The following NEDD4 variants were observed in gnomAD, a reference collection of about 807,000 sequenced individuals.
The protein encoded by NEDD4 is NEDD4 E3 ubiquitin protein ligase.
NEDD4 carries 99 observed loss-of-function variants against 144.9 expected under a neutral mutation model. The observed-to-expected ratio is 0.68, with a 90% CI of 0.58 to 0.81. The LOEUF (loss-of-function observed/expected upper bound fraction) is 0.81. Among genes scored for constraint, NEDD4 ranks in the 30% least tolerant of loss-of-function variants. The pLI, the probability that NEDD4 is intolerant of heterozygous loss-of-function variation, is 0.00. For missense variants in NEDD4, 985 were observed against 1,065.9 expected, an observed-to-expected ratio of 0.92 and a Z score of 1.06; for synonymous variants, 318 against 350.6, an observed-to-expected ratio of 0.91 and a Z score of 1.04.
chr15:55,921,507 TA>T (rs1466622440), intron 5 of NEDD4, among the ~76,000 whole-genome samples: 3 of 152,042 alleles, frequency 2.0e-5, no homozygotes, highest in Admixed American at 6.6e-5. Context: ...GTATTTTTAG[TA>T]GAGACGCAGT....
chr15:55,845,434 T>C (rs998226283), intron 18 of NEDD4, among the ~76,000 whole-genome samples: 10 of 152,190 alleles, frequency 6.6e-5, no homozygotes, highest in Non-Finnish European at 1.2e-4. Context: ...TACAGAGTTA[T>C]TGTAGACATT....
chr15:55,916,019 C>A, intron 5 of NEDD4: 1 of 1,613,738 alleles, frequency 6.2e-7, no homozygotes, highest in East Asian at 2.2e-5. Context: ...TTGAAGGACT[C>A]CTAGGAAAAA....
Position 55,915,447 on chromosome 15 carries a change from G to A in NEDD4, c.291+9199C>T, listed in dbSNP as rs771740195. ...GGATAGACAGGAAATATTTGGATAAGCTCCTCCCAATGAAATACTTCTTCG... is the reference window on the plus strand; with the variant it reads ...GGATAGACAGGAAATATTTGGATAAACTCCTCCCAATGAAATACTTCTTCG... On this transcript the variant is annotated intron_variant, in intron 5 of 28. Coordinates refer to ENST00000435532, the MANE Select transcript of NEDD4 (RefSeq NM_006154.4). The A allele has an allele frequency of 1.2e-5, 19 of 1,613,752 alleles. No homozygotes were observed. In the South Asian group the frequency reaches 1.8e-4, roughly 15 times the overall value.
Position 55,862,933 on chromosome 15 carries a change from C to A in NEDD4, c.654G>T (p.Gln218His), listed in dbSNP as rs760516800. 2.7e-5 allele frequency: 43 copies of A among 1,606,664 alleles called. No homozygotes were observed. The East Asian group carries it at 9.2e-4, about 34-fold the overall frequency. ...YYVNHESRRT[Q>H]WKRPTPQDNL... The stretch of plus-strand genomic sequence containing the variant: ...CATACTGAGGGGTTGGTCTTTTCCA[C>A]TGTGTTCTTCTAGATTCATGGTTTA... The change falls in exon 9 of 29, where the codon CAG becomes CAT. Residue 218 changes from glutamine to histidine, a missense_variant. Gln to His is a conservative substitution (Grantham distance 24). Coordinates refer to ENST00000435532, the MANE Select transcript of NEDD4 (RefSeq NM_006154.4).
intron 5 of NEDD4, among the ~76,000 whole-genome samples, chr15:55,914,728 A>G (rs2036380254): frequency 6.6e-6 from 1 of 152,078 alleles, no homozygotes; most frequent in East Asian, 1.9e-4. Flanking sequence ...GTTTTTATGA[A>G]TGATCTTATA....
chr15:55,836,300 T>G (rs1448380673), intron 24 of NEDD4, among the ~76,000 whole-genome samples: 1 of 150,724 alleles, frequency 6.6e-6, no homozygotes, highest in East Asian at 2.0e-4. Flanking sequence ...ATACACATAG[T>G]ACTCAATACT....
chr15:55,896,620 T>C (rs1250721287), intron 5 of NEDD4, among the ~76,000 whole-genome samples: 3 of 152,188 alleles, frequency 2.0e-5, no homozygotes. Context: ...GTAAATTCCT[T>C]GAGGTCAACA....
chr15:55,934,970 G>C (rs763996980), intron 4 of NEDD4, among the ~76,000 whole-genome samples: 1 of 133,094 alleles, frequency 7.5e-6, no homozygotes, highest in Non-Finnish European at 1.5e-5. Context: ...CCAGACTCAA[G>C]TGATTCTCCT....
At chr15:55,859,115 T>C (rs1273723825) in intron 11 of NEDD4, among the ~76,000 whole-genome samples, 2 of 152,172 alleles carry the variant, frequency 1.3e-5, no homozygotes, top group Non-Finnish European at 2.9e-5. Flanking sequence ...TCATTAAATA[T>C]TTACTAACTA....
intron 5 of NEDD4, chr15:55,915,572 A>C: frequency 6.2e-7 from 1 of 1,614,034 alleles, no homozygotes; most frequent in South Asian, 1.1e-5. Flanking sequence ...GCAAACATGC[A>C]GATGTCCTAT....
intron 4 of NEDD4, among the ~76,000 whole-genome samples, chr15:55,949,568 T>C (rs1248479688): frequency 6.6e-6 from 1 of 152,126 alleles, no homozygotes; most frequent in East Asian, 1.9e-4. Flanking sequence ...CCATCAATAA[T>C]AGACTGGATT....
At chr15:55,916,527 G>GACTGA (rs1173411622) in intron 5 of NEDD4, 6 of 1,614,104 alleles carry the variant, frequency 3.7e-6, no homozygotes, top group Non-Finnish European at 4.2e-6. Context: ...GACATTGCTA[G>GACTGA]ACTGAAGATA....
chr15:55,851,371 A>C (rs1354382187), intron 13 of NEDD4, among the ~76,000 whole-genome samples: 1 of 148,428 alleles, frequency 6.7e-6, no homozygotes, highest in Non-Finnish European at 1.5e-5. Flanking sequence ...ACATCAATGC[A>C]AAGTTTTTTT....
In NEDD4 at chr15:55,858,573, C is replaced by T. The variant is rs144406930; in HGVS notation, c.960+1834G>A. Among the ~76,000 whole-genome samples the T allele has an allele frequency of 8.3e-4, 126 of 152,282 alleles. 1 individual carries two copies. The East Asian group carries it at 0.015, about 18-fold the overall frequency. Reference sequence around the variant, plus strand: ...TCTATAATCCCAGCCTCCCAAAGTGCTGGGATTACAGGCGTGAGCCACCAC... The same window carrying T: ...TCTATAATCCCAGCCTCCCAAAGTGTTGGGATTACAGGCGTGAGCCACCAC... On this transcript the variant is annotated intron_variant, in intron 11 of 28. Coordinates refer to ENST00000435532, the MANE Select transcript of NEDD4 (RefSeq NM_006154.4).
intron 5 of NEDD4, among the ~76,000 whole-genome samples, chr15:55,890,291 A>C (rs1206282606): frequency 6.6e-6 from 1 of 152,168 alleles, no homozygotes; most frequent in Non-Finnish European, 1.5e-5. Flanking sequence ...ACCATTAGAC[A>C]ATCAATTTTA....
At chr15:55,847,679 T>C (rs1595743099) in intron 17 of NEDD4, among the ~76,000 whole-genome samples, 1 of 15,334 alleles carries the variant, frequency 6.5e-5, no homozygotes, top group African/African-American at 1.5e-4. Context: ...CTTTTTCCTT[T>C]TTTTTTTTTT....
chr15:55,912,253 A>C (rs1163662958), intron 5 of NEDD4, among the ~76,000 whole-genome samples: 3 of 152,234 alleles, frequency 2.0e-5, no homozygotes, highest in Non-Finnish European at 4.4e-5. Context: ...ATGGAACATT[A>C]AAGTAAGTAT....
intron 5 of NEDD4, among the ~76,000 whole-genome samples, chr15:55,883,237 G>A (rs1300614718): frequency 6.6e-6 from 1 of 152,218 alleles, no homozygotes; most frequent in Non-Finnish European, 1.5e-5. Context: ...GTGAACACTG[G>A]TGGTAGTCTG....
At chr15:55,955,252 G>A (rs1470156582) in intron 2 of NEDD4, among the ~76,000 whole-genome samples, 4 of 152,038 alleles carry the variant, frequency 2.6e-5, no homozygotes, top group Admixed American at 6.6e-5. Context: ...CAAATTTGCA[G>A]GCTCAAGTGA....
Sources: gnomAD v4.1 joint callset for allele counts (sites outside exome capture counted in the v4.1 genomes callset) on GRCh38, gnomAD v4.1.1 for gene constraint, MANE v1.5 for transcripts, NCBI Gene and HGNC (gene_info 2026-07-23, HGNC 2026-07-21) for gene names.